The following SAFB variants were observed in gnomAD, a reference collection of about 807,000 sequenced individuals.
The protein encoded by SAFB is scaffold attachment factor B1.
A neutral mutation model predicts 101.6 loss-of-function variants in SAFB; 15 were observed. The ratio of observed to expected loss-of-function variants is 0.15; its 90% CI spans 0.10 to 0.23. The LOEUF (loss-of-function observed/expected upper bound fraction) is 0.23. SAFB is among the 10% of genes least tolerant of loss of function. SAFB has a pLI of 1.00. For missense variants in SAFB, 930 were observed against 1,104.1 expected (o/e 0.84, Z 2.23); for synonymous variants, 449 against 407.5 (o/e 1.10, Z -1.23).
intron 2 of SAFB, among the ~76,000 whole-genome samples, chr19:5,641,049 T>C (rs935873519): frequency 1.3e-5 from 2 of 152,084 alleles, no homozygotes; most frequent in African/African-American, 4.8e-5. Context: ...CCTGTATTTT[T>C]AGTAGAGACG....
intron 5 of SAFB, among the ~76,000 whole-genome samples, chr19:5,647,486 G>A (rs1000800858): frequency 3.3e-5 from 5 of 152,190 alleles, no homozygotes; most frequent in Admixed American, 3.3e-4. Context: ...TCTAGAACTG[G>A]CCTGGTGGGA....
chr19:5,654,224 G>C (rs1049799872), intron 12 of SAFB, 24 bp downstream of exon 12: 1 of 1,613,418 alleles, frequency 6.2e-7, no homozygotes, highest in East Asian at 2.2e-5. Flanking sequence ...GAGCCCAGGA[G>C]ATTCTGTCTT....
chr19:5,666,870 G>A, intron 17 of SAFB, 176 bp from the exon 18 acceptor site: 1 of 705,108 alleles, frequency 1.4e-6, no homozygotes, highest in South Asian at 1.6e-5. Flanking sequence ...TAGGGCACAG[G>A]GCCTCTGGCC....
At chr19:5,655,868 A>G (rs934136440) in intron 13 of SAFB, among the ~76,000 whole-genome samples, 5 of 152,236 alleles carry the variant, frequency 3.3e-5, no homozygotes, top group Admixed American at 2.0e-4. Context: ...TGTCAAGTGT[A>G]CCGGAAGTGC....
Position 5,654,012 on chromosome 19 carries a change from A to C in SAFB, c.1527-49A>C, listed in dbSNP as rs567619298. 13 of 1,589,112 alleles carry C rather than the reference A, an allele frequency of 8.2e-6. No homozygotes were observed. The South Asian group carries it at 1.2e-4, about 15-fold the overall frequency. ...CGCCTCATCCCCCCAAAGTGCTGGG[A>C]ATACAGGCATGAGCCACCACGCCCA... On this transcript the variant is annotated intron_variant, in intron 11 of 20. Transcript: ENST00000588852.
chr19:5,654,211 C>T lies in SAFB; in HGVS notation c.1666+11C>T. The stretch of plus-strand genomic sequence containing the variant: ...GAGCCACAAAGTCAGGTGGGCAGCT[C>T]ATGAGCCCAGGAGATTCTGTCTTGT... On this transcript the variant is annotated intron_variant, in intron 12 of 20. Coordinates refer to ENST00000588852, the MANE Select transcript of SAFB (RefSeq NM_001201338.2). 2 of 1,614,032 alleles carry T rather than the reference C, an allele frequency of 1.2e-6. No homozygotes were observed. The highest frequency in any genetic ancestry group is 8.5e-7 in the Non-Finnish European group (1 of 1,179,952).
chr19:5,639,941 G>A (rs1471837904), intron 2 of SAFB, among the ~76,000 whole-genome samples: 7 of 151,946 alleles, frequency 4.6e-5, no homozygotes, highest in Admixed American at 2.0e-4. Context: ...GGGTTCAAGC[G>A]ATTCTCCTGC....
chr19:5,660,979 A>AGTG (rs2054188020), intron 14 of SAFB, among the ~76,000 whole-genome samples: 1 of 108,752 alleles, frequency 9.2e-6, no homozygotes, highest in Non-Finnish European at 1.7e-5. Flanking sequence ...GCCGGGCTGG[A>AGTG]GTGCAGTGGC....
chr19:5,650,456 G>C (rs1159441163), intron 8 of SAFB, among the ~76,000 whole-genome samples: 2 of 152,140 alleles, frequency 1.3e-5, no homozygotes, highest in Non-Finnish European at 2.9e-5. Context: ...CTGTTGCCCA[G>C]GCTGGAGTGC....
In SAFB at chr19:5,667,841, G is replaced by C. The variant is rs755838374; in HGVS notation, c.2579G>C (p.Gly860Ala). The change falls in exon 20 of 21, where the codon GGT (glycine) becomes GCT (alanine). Residue 860 changes from glycine to alanine, a missense_variant. This residue lies in a region of SAFB where 318 missense variants were observed against 342.6 expected (regional missense o/e 0.93). Coordinates refer to ENST00000588852, the MANE Select transcript of SAFB (RefSeq NM_001201338.2). This position sits in a 1 kb window ranked among gnomAD's most constrained non-coding sequence, Gnocchi z 4.0. ...CCAGGTGGCGAGAGAAGCATGTCCG[G>C]TCACTCCGGGCCTGGCCACATGATG... ...RWQGGERSMS[G>A]HSGPGHMMNR... The C allele has an allele frequency of 6.2e-6, 10 of 1,613,722 alleles. No homozygotes were observed. The highest frequency in any genetic ancestry group is 8.5e-7 in the Non-Finnish European group (1 of 1,179,842).
At chr19:5,662,446 A>G (rs2054234272) in intron 15 of SAFB, among the ~76,000 whole-genome samples, 1 of 151,410 alleles carries the variant, frequency 6.6e-6, no homozygotes, top group African/African-American at 2.4e-5. Flanking sequence ...GTGAGCCAAG[A>G]TCGTGCCACT....
chr19:5,632,035 C>T (rs891838857), intron 2 of SAFB, among the ~76,000 whole-genome samples: 1 of 152,066 alleles, frequency 6.6e-6, no homozygotes, highest in African/African-American at 2.4e-5. Flanking sequence ...GGTAACAGGG[C>T]AAGACTCTGT....
chr19:5,627,019 A>T (rs540122088), intron 2 of SAFB, among the ~76,000 whole-genome samples: 1 of 152,066 alleles, frequency 6.6e-6, no homozygotes, highest in Non-Finnish European at 1.5e-5. Flanking sequence ...ATCCCCACCA[A>T]AAAGAAATTA....
intron 4 of SAFB, among the ~76,000 whole-genome samples, chr19:5,644,299 C>T (rs1364917138): frequency 2.6e-5 from 4 of 152,020 alleles, no homozygotes; most frequent in South Asian, 4.1e-4. Flanking sequence ...TAGAAAGCAC[C>T]GTAGAGTTAT....
chr19:5,661,691 A>C lies in SAFB; in HGVS notation c.2036A>C (p.Glu679Ala), dbSNP rs544321507. ...CGCGAACGCATGCACGTGGAGCACG[A>C]GCGCAGGCGCGAGCAGGAGCGCATC... ...LERERMHVEH[E>A]RRREQERIHR... Residue 679 changes from glutamate (E) to alanine (A), a missense_variant, in exon 15 of 21, where the codon GAG (glutamate) becomes GCG (alanine). This residue lies in a region of SAFB where 159 missense variants were observed against 234.1 expected (regional missense o/e 0.68). Transcript: ENST00000588852. The C allele has an allele frequency of 6.2e-7, 1 of 1,608,030 alleles. No individual in the cohort carries two copies. Among genetic ancestry groups the C allele is most frequent in the East Asian group, 2.2e-5 (1 of 44,734 alleles).
chr19:5,645,442 G>A, intron 5 of SAFB, 43 bp downstream of exon 5: 1 of 924,996 alleles, frequency 1.1e-6, no homozygotes. Flanking sequence ...TGAAAGGTCA[G>A]ACCACAATTT....
chr19:5,656,250 T>C (rs966419120), intron 13 of SAFB, among the ~76,000 whole-genome samples: 7 of 152,232 alleles, frequency 4.6e-5, no homozygotes, highest in African/African-American at 1.7e-4. Flanking sequence ...TTTTTCATTT[T>C]TTTATTTTAT....
At chr19:5,627,572 G>A (rs1040715053) in intron 2 of SAFB, among the ~76,000 whole-genome samples, 1 of 152,106 alleles carries the variant, frequency 6.6e-6, no homozygotes, top group African/African-American at 2.4e-5. Context: ...AGCTTATACA[G>A]TAAAAGTCAC....
At chr19:5,630,271 C>G (rs903826997) in intron 2 of SAFB, among the ~76,000 whole-genome samples, 2 of 152,146 alleles carry the variant, frequency 1.3e-5, no homozygotes, top group Non-Finnish European at 2.9e-5. Flanking sequence ...ACATTTGTGT[C>G]GTCTGAATGG....
Sources: gnomAD v4.1 joint callset for allele counts (sites outside exome capture counted in the v4.1 genomes callset) on GRCh38, gnomAD v4.1.1 for gene constraint, gnomAD v4.1.1 regional missense constraint, Gnocchi (gnomAD v3.1) non-coding constraint, MANE v1.5 for transcripts, NCBI Gene and HGNC (gene_info 2026-07-23, HGNC 2026-07-21) for gene names.